The following CEP192 variants were observed in gnomAD, a reference collection of about 807,000 sequenced individuals.
CEP192 encodes centrosomal protein of 192 kDa.
CEP192 carries 151 observed loss-of-function variants against 271.8 expected under a neutral mutation model. The observed-to-expected ratio is 0.56, with a 90% confidence interval of 0.49 to 0.64. CEP192 has a LOEUF of 0.64. Among genes scored for constraint, CEP192 ranks in the 30% least tolerant of loss-of-function variants. CEP192 has a pLI of 0.00. For synonymous variants in CEP192, 995 were observed against 1,076.5 expected (o/e 0.92, Z 1.48); for missense variants, 2,910 against 3,020.5 (o/e 0.96, Z 0.86).
At chr18:13,117,736 T>C in intron 44 of CEP192, 93 bp downstream of exon 44, 1 of 837,320 alleles carries the variant, frequency 1.2e-6, no homozygotes. Context: ...CTGCTGCAGG[T>C]CCTCCATATT....
chr18:13,094,492 C>T (rs905303859), intron 34 of CEP192, among the ~76,000 whole-genome samples: 1 of 152,198 alleles, frequency 6.6e-6, no homozygotes, highest in Non-Finnish European at 1.5e-5. Flanking sequence ...TGCATTCTGG[C>T]TTCTGATCCT....
chr18:13,112,884 C>A (rs370274628), intron 40 of CEP192, among the ~76,000 whole-genome samples: 1 of 152,206 alleles, frequency 6.6e-6, no homozygotes, highest in Admixed American at 6.5e-5. Flanking sequence ...TTAACTGATT[C>A]ATTGTTAAGT....
At chr18:13,097,031 A>G (rs981337742) in intron 36 of CEP192, among the ~76,000 whole-genome samples, 1 of 152,224 alleles carries the variant, frequency 6.6e-6, no homozygotes, top group African/African-American at 2.4e-5. Flanking sequence ...TAGTTTTTGC[A>G]AAATGATATG....
In CEP192 at chr18:13,049,108, A is replaced by C; in HGVS notation, c.2317A>C (p.Ser773Arg). ...TTTCTTACCTAATGATTTAGAAAAAAGTAATGGATCCAATGCACTTGATAT... is the reference window on the plus strand; with the variant it reads ...TTTCTTACCTAATGATTTAGAAAAACGTAATGGATCCAATGCACTTGATAT... ...RHFLPNDLEK[S>R]NGSNALDMEK... Residue 773 changes from serine to arginine, a missense_variant, in exon 16 of 45, where the codon AGT (serine) becomes CGT (arginine). Coordinates refer to ENST00000506447, the MANE Select transcript of CEP192 (RefSeq NM_032142.4). 6.2e-7 allele frequency: 1 copy of C among 1,614,120 alleles called. No homozygotes were observed. Among genetic ancestry groups the C allele is most frequent in the Non-Finnish European group, 8.5e-7 (1 of 1,179,986 alleles).
At chr18:13,100,282 T>C in intron 37 of CEP192, 23 bp from the exon 38 acceptor site, 1 of 1,550,276 alleles carries the variant, frequency 6.5e-7, no homozygotes, top group Non-Finnish European at 8.9e-7. Flanking sequence ...TTGTAGCTTA[T>C]CCCTTTATTT....
Position 13,122,292 on chromosome 18 carries a change from C to T in CEP192, c.7476-2340C>T, listed in dbSNP as rs1032011767. Among the ~76,000 whole-genome samples the T allele has an allele frequency of 3.3e-5, 5 of 152,206 alleles. No homozygotes were observed. In the East Asian group the frequency reaches 5.8e-4, roughly 18 times the overall value. On this transcript the variant is annotated intron_variant, in intron 44 of 44. Coordinates refer to ENST00000506447, the MANE Select transcript of CEP192 (RefSeq NM_032142.4). ...CAAAAATTAGCTGGGCAAGGTGGCG[C>T]ATGTCTGTAATCCTAGCTACTCAGG...
intron 30 of CEP192, among the ~76,000 whole-genome samples, chr18:13,085,112 A>AT: frequency 6.6e-6 from 1 of 151,950 alleles, no homozygotes; most frequent in East Asian, 1.9e-4. Context: ...GGTGTGAGCC[A>AT]CCGTGCCTGG....
rs1166051016 is a variant in CEP192 at position 13,096,081 on chromosome 18, C to T, written c.6434-103C>T. 5.1e-6 allele frequency: 6 copies of T among 1,165,354 alleles called. 1 individual carries two copies. The highest frequency in any genetic ancestry group is 4.6e-5 in the African/African-American group (3 of 65,380). 72.2% of individuals were successfully genotyped at this position (1,165,354 alleles called of 1,614,324 possible). Reference sequence around the variant, plus strand: ...AATTGAGCAGTTGAGAAAGCAGTAGCATACTTGTATATCTATTTAGGGTTC... The same window carrying T: ...AATTGAGCAGTTGAGAAAGCAGTAGTATACTTGTATATCTATTTAGGGTTC... On this transcript the variant is annotated intron_variant, in intron 35 of 44. Coordinates refer to ENST00000506447, the MANE Select transcript of CEP192 (RefSeq NM_032142.4).
At chr18:13,053,462 T>G (rs952241248) in intron 18 of CEP192, among the ~76,000 whole-genome samples, 2 of 151,854 alleles carry the variant, frequency 1.3e-5, no homozygotes, top group Non-Finnish European at 2.9e-5. Flanking sequence ...CTGCTAGGAG[T>G]TAGGCAGCGG....
chr18:13,103,815 A>C, intron 39 of CEP192: 2 of 591,088 alleles, frequency 3.4e-6, no homozygotes, highest in Non-Finnish European at 6.3e-6. Flanking sequence ...TTAGCCTCCC[A>C]TGTGGCTGGG....
intron 40 of CEP192, among the ~76,000 whole-genome samples, chr18:13,106,566 C>A (rs1482233747): frequency 1.4e-5 from 2 of 147,958 alleles, no homozygotes; most frequent in East Asian, 2.1e-4. Context: ...CCCTCAATAA[C>A]AACCACACCC....
intron 41 of CEP192, among the ~76,000 whole-genome samples, 187 bp from the exon 42 acceptor site, chr18:13,113,943 C>T (rs1476331605): frequency 1.6e-4 from 24 of 152,064 alleles, no homozygotes. Context: ...ATCATGTATG[C>T]ACATGGGCAC....
intron 44 of CEP192, among the ~76,000 whole-genome samples, chr18:13,119,126 C>T (rs1260516244): frequency 1.3e-5 from 2 of 152,214 alleles, no homozygotes; most frequent in Non-Finnish European, 2.9e-5. Flanking sequence ...GGTAGCACAA[C>T]TGCAGAGGCA....
intron 15 of CEP192, among the ~76,000 whole-genome samples, chr18:13,048,589 G>T (rs946614299): frequency 1.3e-5 from 2 of 152,196 alleles, no homozygotes; most frequent in African/African-American, 4.8e-5. Flanking sequence ...GAAGGACAGA[G>T]AAATTCATGC....
At chr18:13,081,521 T>C (rs974577003) in intron 30 of CEP192, among the ~76,000 whole-genome samples, 1 of 152,234 alleles carries the variant, frequency 6.6e-6, no homozygotes, top group Non-Finnish European at 1.5e-5. Context: ...TTGATTCTTC[T>C]CCCTTTTCTT....
At position 13,059,227 on chromosome 18, in the gene CEP192, CG is replaced by C; in HGVS notation, c.4404del (p.Thr1469GlnfsTer29). 6.2e-7 allele frequency: 1 copy of C among 1,614,122 alleles called. No individual in the cohort carries two copies. Among genetic ancestry groups the C allele is most frequent in the Non-Finnish European group, 8.5e-7 (1 of 1,180,020 alleles). On this transcript the variant is annotated frameshift_variant, in exon 21 of 45. Coordinates refer to ENST00000506447, the MANE Select transcript of CEP192 (RefSeq NM_032142.4). LOFTEE classifies it high-confidence loss of function. ...TTCAGTGTTGCTTCTTGGCCATGTT[CG>C]ACAGATGCTGAGACCATCGTACAGG... ...CTFSVASWPCSTDAETIVQAE... is the reference protein window; with the variant it reads ...CTFSVASWPCXTDAETIVQAE...
At chr18:13,085,728 C>T (rs1379617464) in intron 30 of CEP192, among the ~76,000 whole-genome samples, 1 of 151,934 alleles carries the variant, frequency 6.6e-6, no homozygotes, top group Admixed American at 6.6e-5. Context: ...ATTTTTGAGG[C>T]CTCTATTCTG....
At chr18:13,072,663 G>T in intron 28 of CEP192, 92 bp from the exon 29 acceptor site, 1 of 822,932 alleles carries the variant, frequency 1.2e-6, no homozygotes, top group South Asian at 1.5e-5. Flanking sequence ...TCCATCTCTA[G>T]ACATTGTGGT....
chr18:13,004,048 C>A lies in CEP192; in HGVS notation c.290+2466C>A, dbSNP rs540143706. 5.9e-5 allele frequency among the ~76,000 whole-genome samples: 9 copies of A among 152,232 alleles called. 1 individual carries two copies. The South Asian group carries it at 1.7e-3, about 28-fold the overall frequency. ...AAGAGCATGTATAAAAGAAGAGTTA[C>A]CTAACTATGTCAAATAAAATGAGGG... On this transcript the variant is annotated intron_variant, in intron 3 of 44. Coordinates refer to ENST00000506447, the MANE Select transcript of CEP192 (RefSeq NM_032142.4).
Sources: gnomAD v4.1 joint callset for allele counts (sites outside exome capture counted in the v4.1 genomes callset) on GRCh38, gnomAD v4.1.1 for gene constraint, MANE v1.5 for transcripts, NCBI Gene and HGNC (gene_info 2026-07-23, HGNC 2026-07-21) for gene names.